ATM: variants seen among roughly 807,000 people sequenced by gnomAD.
ATM encodes the protein ATM serine/threonine kinase, also known as serine-protein kinase ATM.
Under a neutral mutation model 387.0 loss-of-function variants are expected in ATM, and 308 were observed. The ratio of observed to expected loss-of-function variants is 0.80; its 90% CI spans 0.73 to 0.87. The LOEUF (loss-of-function observed/expected upper bound fraction) is 0.87. Ranked by LOEUF, ATM falls within the 40% of genes least tolerant of loss-of-function variation. ATM has a pLI of 0.00. For missense variants in ATM, 3,312 were observed against 3,560.9 expected (o/e 0.93, Z 1.78); for synonymous variants, 1,156 against 1,187.3 (o/e 0.97, Z 0.54).
chr11:108,343,705 G>C (rs1477833919), intron 57 of ATM, among the ~76,000 whole-genome samples: 1 of 152,142 alleles, frequency 6.6e-6, no homozygotes, highest in Non-Finnish European at 1.5e-5. Context: ...CCAGCTACTT[G>C]AGAGGCTGAG....
intron 61 of ATM, among the ~76,000 whole-genome samples, chr11:108,359,651 A>G (rs1051371115): frequency 6.6e-6 from 1 of 152,186 alleles, no homozygotes; most frequent in Non-Finnish European, 1.5e-5. Flanking sequence ...CTCACTCAAA[A>G]CCGCTCAACT....
intron 1 of ATM, 153 bp from the exon 2 acceptor site, chr11:108,227,442 C>T: frequency 3.7e-6 from 2 of 537,146 alleles, no homozygotes; most frequent in South Asian, 5.9e-5. Context: ...ATTATTGTGC[C>T]TTTGACCAGA....
At chr11:108,252,085 C>G (rs2080185336) in intron 11 of ATM, 54 bp downstream of exon 11, 2 of 1,506,110 alleles carry the variant, frequency 1.3e-6, no homozygotes, top group South Asian at 2.3e-5. Flanking sequence ...TTATCAGGCT[C>G]TCTCCACTTA....
At chr11:108,280,886 C>T (rs911342484) in intron 23 of ATM, 109 bp from the exon 24 acceptor site, 2 of 1,001,344 alleles carry the variant, frequency 2.0e-6, no homozygotes, top group African/African-American at 3.3e-5. Context: ...TAGGAGGTTT[C>T]TGAAATGTGT....
chr11:108,235,149 T>G (rs535139910), intron 4 of ATM, among the ~76,000 whole-genome samples: 2 of 152,072 alleles, frequency 1.3e-5, no homozygotes, highest in African/African-American at 4.8e-5. Flanking sequence ...GTAGAAAAAT[T>G]AGCAGGGTGT....
rs3092910 is a variant in ATM at position 108,310,190 on chromosome 11, T to C, written c.5793T>C (p.Ala1931=). The part of the protein sequence containing the change: ...RPSSGTIFND[A]FWLDLNYLEV... ...CTTCAGGAACAATTTTTAATGATGC[T>C]TTCTGGCTGGATTTAAATTATCTAG... is the stretch of plus-strand genomic sequence containing the variant. The change falls in exon 39 of 63, where the codon GCT becomes GCC. Residue 1931 remains alanine, a synonymous_variant. Coordinates refer to ENST00000675843, the MANE Select transcript of ATM (RefSeq NM_000051.4). 10,925 of 1,613,558 alleles carry C rather than the reference T, an allele frequency of 6.8e-3. 41 individuals are homozygous for C. The highest frequency in any genetic ancestry group is 7.8e-3 in the African/African-American group (585 of 75,026).
intron 9 of ATM, 78 bp from the exon 10 acceptor site, chr11:108,250,623 T>C: frequency 2.1e-6 from 3 of 1,414,408 alleles, no homozygotes; most frequent in Non-Finnish European, 2.9e-6. Flanking sequence ...ATTGTAAGAG[T>C]ACCATGTCTA....
chr11:108,231,453 T>A (rs2079006913), intron 4 of ATM: 1 of 152,098 alleles, frequency 6.6e-6, no homozygotes, highest in Non-Finnish European at 1.5e-5. Flanking sequence ...CCCAGCACTT[T>A]GGGAAGCTGA....
intron 56 of ATM, among the ~76,000 whole-genome samples, chr11:108,340,860 T>C (rs1385863925): frequency 6.6e-6 from 1 of 152,228 alleles, no homozygotes; most frequent in Admixed American, 6.5e-5. Flanking sequence ...ATACCTTATA[T>C]AGTGTAAATG....
At chr11:108,273,328 A>ATTTTTTTTT (rs2081718897) in intron 22 of ATM, among the ~76,000 whole-genome samples, 6 of 106,392 alleles carry the variant, frequency 5.6e-5, no homozygotes, top group African/African-American at 2.1e-4. Context: ...TATTAATTTC[A>ATTTTTTTTT]TTCTTTTTTT....
chr11:108,229,743 G>C (rs2078919767), intron 4 of ATM: 2 of 174,926 alleles, frequency 1.1e-5, no homozygotes, highest in Admixed American at 1.2e-4. Flanking sequence ...GCAATGGTGT[G>C]ATGATAGCTC....
chr11:108,241,712 CTCTTTCTTTCTTTCTG>C (rs1352065552), intron 5 of ATM, among the ~76,000 whole-genome samples: 13 of 129,698 alleles, frequency 1.0e-4, no homozygotes, highest in Non-Finnish European at 1.3e-4. Context: ...CCATGTCTTT[CTCTTTCTTTCTTTCTG>C]TCTTTCTTTC....
At chr11:108,272,328 A>G (rs1357214315) in intron 20 of ATM, among the ~76,000 whole-genome samples, 3 of 152,256 alleles carry the variant, frequency 2.0e-5, no homozygotes, top group African/African-American at 7.2e-5. Context: ...AACAAATAAT[A>G]TACGCTAAAA....
intron 55 of ATM, chr11:108,335,361 C>A: frequency 8.4e-7 from 1 of 1,185,040 alleles, no homozygotes; most frequent in Non-Finnish European, 1.1e-6. Context: ...CAGACATGTA[C>A]AGTGAGGTTG....
At chr11:108,354,504 A>T (rs2089641768) in intron 60 of ATM, among the ~76,000 whole-genome samples, 1 of 152,248 alleles carries the variant, frequency 6.6e-6, no homozygotes, top group South Asian at 2.1e-4. Context: ...GATTGCAGTC[A>T]GTGTAAACTA....
rs760797130 is a variant in ATM at position 108,245,071 on chromosome 11, A to G, written c.901+45A>G. On this transcript the variant is annotated intron_variant, in intron 7 of 62. Coordinates refer to ENST00000675843, the MANE Select transcript of ATM (RefSeq NM_000051.4). ...TGTTTTGAATTTGCTTCTTCATTCA[A>G]ACATAGAAGTCTAAGTATAAAATTA... The G allele has an allele frequency of 2.8e-6, 4 of 1,442,892 alleles. No individual in the cohort carries two copies. The East Asian group carries it at 9.1e-5, about 33-fold the overall frequency. 89.4% of individuals were successfully genotyped at this position (1,442,892 alleles called of 1,614,324 possible).
At position 108,337,478 on chromosome 11, in the gene ATM, G is replaced by A. The variant is rs182714618; in HGVS notation, c.8268+1517G>A. On this transcript the variant is annotated intron_variant, in intron 56 of 62. Transcript: ENST00000675843. ...GACATCATAGTCACTTAGAGAGTTT[G>A]TTAAAAACACAGATTTCTGATCCCC... Among the ~76,000 whole-genome samples the A allele has an allele frequency of 2.6e-5, 4 of 152,306 alleles. No individual in the cohort carries two copies. In the East Asian group the frequency reaches 7.7e-4, roughly 29 times the overall value.
At chr11:108,358,411 C>A (rs2090298406) in intron 61 of ATM, among the ~76,000 whole-genome samples, 2 of 149,702 alleles carry the variant, frequency 1.3e-5, no homozygotes, top group African/African-American at 2.5e-5. Context: ...TCTAGCAAGG[C>A]AGGCCAACGT....
chr11:108,237,392 G>A (rs1458658830), intron 5 of ATM, among the ~76,000 whole-genome samples: 1 of 152,014 alleles, frequency 6.6e-6, no homozygotes, highest in Non-Finnish European at 1.5e-5. Context: ...CTTTCCCCTA[G>A]TCTGCTTACT....
Sources: allele counts gnomAD v4.1 joint callset (sites outside exome capture counted in the v4.1 genomes callset), GRCh38; gene constraint gnomAD v4.1.1; transcripts MANE v1.5; gene names NCBI Gene and HGNC (gene_info 2026-07-23, HGNC 2026-07-21).